SFMBT2: variants seen among roughly 807,000 people sequenced by gnomAD.
The protein encoded by SFMBT2 is Scm like with four mbt domains 2, also known as scm-like with four MBT domains protein 2.
A neutral mutation model predicts 110.1 loss-of-function variants in SFMBT2; 38 were observed. The observed-to-expected ratio is 0.35, with a 90% confidence interval of 0.27 to 0.45. The LOEUF (loss-of-function observed/expected upper bound fraction) is 0.45. SFMBT2 is among the 20% of genes least tolerant of loss of function. The pLI is 1.00. For synonymous variants in SFMBT2, 425 were observed against 425.4 expected, an observed-to-expected ratio of 1.00 and a Z score of 0.01; for missense variants, 1,011 against 1,094.9, an observed-to-expected ratio of 0.92 and a Z score of 1.08.
rs183313319 is a variant in SFMBT2 at position 7,245,813 on chromosome 10, C to G, written c.973-2108G>C. On this transcript the variant is annotated intron_variant, in intron 8 of 20. Transcript: ENST00000397167. The stretch of plus-strand genomic sequence containing the variant: ...GGATCCACTACACGTCTGTCTGCAT[C>G]CTTGTCTGTTTGTTGTAACATCGTT... Among the ~76,000 whole-genome samples the G allele has an allele frequency of 1.8e-3, 280 of 152,320 alleles. 1 individual carries two copies. Among genetic ancestry groups the G allele is most frequent in the African/African-American group, 6.3e-3 (263 of 41,580 alleles).
At chr10:7,169,363 CAG>C (rs1837800452) in intron 20 of SFMBT2, among the ~76,000 whole-genome samples, 1 of 152,174 alleles carries the variant, frequency 6.6e-6, no homozygotes, top group Non-Finnish European at 1.5e-5. Context: ...TCTCGGGACA[CAG>C]GGGAAAGAAC....
At chr10:7,286,041 A>G (rs1472472410) in intron 4 of SFMBT2, 87 bp from the exon 5 acceptor site, 1 of 724,596 alleles carries the variant, frequency 1.4e-6, no homozygotes, top group African/African-American at 1.8e-5. Flanking sequence ...ACTTAAAATC[A>G]CAGCAGTTTT....
At chr10:7,375,773 ACACACAC>A (rs1845187449) in intron 2 of SFMBT2, among the ~76,000 whole-genome samples, 1 of 150,962 alleles carries the variant, frequency 6.6e-6, no homozygotes, top group Non-Finnish European at 1.5e-5. Flanking sequence ...ACACACACAC[ACACACAC>A]ACACACACAC....
intron 14 of SFMBT2, chr10:7,198,166 C>A (rs977486323): frequency 1.2e-5 from 12 of 984,470 alleles, no homozygotes; most frequent in Admixed American, 6.1e-5. Context: ...TTATTTCCTG[C>A]AAGATATTGT....
intron 2 of SFMBT2, among the ~76,000 whole-genome samples, chr10:7,375,958 C>T (rs568401534): frequency 3.9e-5 from 6 of 152,218 alleles, no homozygotes; most frequent in Non-Finnish European, 7.4e-5. Context: ...ATAGAAGAGC[C>T]TGTGGTTCTC....
At chr10:7,189,569 C>T (rs1473407861) in intron 15 of SFMBT2, among the ~76,000 whole-genome samples, 2 of 152,230 alleles carry the variant, frequency 1.3e-5, no homozygotes, top group Admixed American at 6.5e-5. Context: ...CATTCCTGGG[C>T]TGCTGCTGTT....
At chr10:7,319,746 CAGAG>C (rs148675672) in intron 4 of SFMBT2, among the ~76,000 whole-genome samples, 1 of 143,316 alleles carries the variant, frequency 7.0e-6, no homozygotes, top group East Asian at 2.1e-4. Context: ...GATAGAGAGA[CAGAG>C]AGAGAGAGAC....
At chr10:7,372,574 T>C (rs1191371224) in intron 2 of SFMBT2, among the ~76,000 whole-genome samples, 1 of 152,198 alleles carries the variant, frequency 6.6e-6, no homozygotes, top group Non-Finnish European at 1.5e-5. Flanking sequence ...CAGTGAAGAA[T>C]GGATGACACC....
intron 7 of SFMBT2, 29 bp from the exon 8 acceptor site, chr10:7,248,678 A>G (rs1398754739): frequency 6.2e-7 from 1 of 1,604,682 alleles, no homozygotes. Flanking sequence ...AAATATTGAA[A>G]GCCACGGTAT....
intron 4 of SFMBT2, among the ~76,000 whole-genome samples, chr10:7,330,847 C>T (rs1224736350): frequency 3.3e-5 from 5 of 152,206 alleles, no homozygotes; most frequent in African/African-American, 9.6e-5. Context: ...GGAACAAAGA[C>T]AAGGTCTCTC....
chr10:7,241,546 A>T (rs1395756863), intron 9 of SFMBT2, among the ~76,000 whole-genome samples: 1 of 152,220 alleles, frequency 6.6e-6, no homozygotes, highest in African/African-American at 2.4e-5. Flanking sequence ...TATCACAAAT[A>T]TTTGGATAAA....
At chr10:7,228,732 T>TTTCC (rs1162809310) in intron 9 of SFMBT2, among the ~76,000 whole-genome samples, 1 of 60,682 alleles carries the variant, frequency 1.6e-5, no homozygotes, top group Non-Finnish European at 3.2e-5. Context: ...TCTTTCTTTC[T>TTTCC]TTCCTTTCTC....
At chr10:7,332,033 AAAAAGG>A (rs1564444383) in intron 4 of SFMBT2, among the ~76,000 whole-genome samples, 1 of 143,496 alleles carries the variant, frequency 7.0e-6, no homozygotes, top group African/African-American at 2.6e-5. Context: ...AAAAAAAAAA[AAAAAGG>A]AAAGGTGAAT....
chr10:7,248,276 C>A (rs369334648), intron 8 of SFMBT2, among the ~76,000 whole-genome samples: 1 of 152,224 alleles, frequency 6.6e-6, no homozygotes, highest in African/African-American at 2.4e-5. Flanking sequence ...ATGATTACAA[C>A]CTGCAACTCG....
At chr10:7,268,077 C>T (rs532700704) in intron 7 of SFMBT2, among the ~76,000 whole-genome samples, 148 of 152,224 alleles carry the variant, frequency 9.7e-4, no homozygotes, top group African/African-American at 3.0e-3. Flanking sequence ...ATATGGAATA[C>T]GATTTATAAG....
chr10:7,366,699 T>A (rs894753983), intron 4 of SFMBT2, among the ~76,000 whole-genome samples: 2 of 152,142 alleles, frequency 1.3e-5, no homozygotes, highest in African/African-American at 4.8e-5. Context: ...TGCCCTCAGT[T>A]TTCTCACTTA....
chr10:7,242,106 C>G (rs17142582), intron 9 of SFMBT2, among the ~76,000 whole-genome samples: 5,288 of 152,256 alleles, frequency 0.035, 145 homozygotes, highest in African/African-American at 0.074. Context: ...TCTACAGGAC[C>G]TATGGCTAAT....
intron 4 of SFMBT2, among the ~76,000 whole-genome samples, chr10:7,306,453 G>A (rs755566205): frequency 3.3e-5 from 5 of 152,100 alleles, no homozygotes; most frequent in Non-Finnish European, 5.9e-5. Context: ...GGCTGCTCTC[G>A]TGCCACAACA....
chr10:7,315,135 T>C (rs1419007976), intron 4 of SFMBT2, among the ~76,000 whole-genome samples: 1 of 150,552 alleles, frequency 6.6e-6, no homozygotes, highest in African/African-American at 2.5e-5. Flanking sequence ...AGCCAGCCAA[T>C]CCGGCAGCAC....
Sources: allele counts gnomAD v4.1 joint callset (sites outside exome capture counted in the v4.1 genomes callset), GRCh38; gene constraint gnomAD v4.1.1; transcripts MANE v1.5; gene names NCBI Gene and HGNC (gene_info 2026-07-23, HGNC 2026-07-21).